Variants in DGKZ observed in about 807,000 individuals in gnomAD.
DGKZ encodes DAG kinase zeta.
DGKZ carries 45 observed loss-of-function variants against 142.5 expected under a neutral mutation model. The ratio of observed to expected loss-of-function variants is 0.32; its 90% CI spans 0.25 to 0.40. The LOEUF is 0.40. Ranked by LOEUF, DGKZ falls within the 10% of genes least tolerant of loss-of-function variation. The pLI is 1.00. For missense variants in DGKZ, 755 were observed against 1,306.5 expected (o/e 0.58, Z 6.51); for synonymous variants, 442 against 527.0 (o/e 0.84, Z 2.21).
At chr11:46,345,170 C>A, upstream of DGKZ, 1 of 941,030 alleles carries the variant, frequency 1.1e-6, no homozygotes, top group Non-Finnish European at 1.4e-6. This position sits in a 1 kb window ranked among gnomAD's most constrained non-coding sequence, Gnocchi z 4.1. Context: ...AGCCCAGGTG[C>A]AGATTCCAGC....
At chr11:46,344,451 A>AT (rs552917575), upstream of DGKZ, among the ~76,000 whole-genome samples, 2,105 of 133,904 alleles carry the variant, frequency 0.016, 52 homozygotes, top group African/African-American at 0.045. Flanking sequence ...CATGAGCTCA[A>AT]TTTTTTTTTT....
In DGKZ at chr11:46,378,477, G is replaced by A. The variant is rs898600357; in HGVS notation, c.2395G>A (p.Ala799Thr). ...TGCAGGTGAAGAGCTGATTGAGGCT[G>A]CCAAGAGGAACGACTTCTGTAAGGT... Residue 799 changes from alanine to threonine, a missense_variant, in exon 27 of 31, where the codon GCC becomes ACC. By Grantham distance (58) the Ala-to-Thr change is moderately conservative. Around this residue, in one of 8 missense-constraint regions of DGKZ, gnomAD observed 87 missense variants for 112.2 expected, o/e 0.78. Coordinates refer to ENST00000527911, the Ensembl canonical transcript of DGKZ. 1 of 1,607,860 alleles carries A rather than the reference G, an allele frequency of 6.2e-7. No individual in the cohort carries two copies. The highest frequency in any genetic ancestry group is 8.5e-7 in the Non-Finnish European group (1 of 1,175,916).
intron 1 of DGKZ, chr11:46,366,901 C>G: frequency 3.2e-6 from 5 of 1,547,390 alleles, no homozygotes; most frequent in Non-Finnish European, 4.3e-6. Flanking sequence ...TGCTGCCCAC[C>G]CGTGTGCGCC....
At position 46,372,355 on chromosome 11, in the gene DGKZ, A is replaced by G; in HGVS notation, c.928-73A>G. ...TATTGGCCCTGGTTCCCACAGTCAC[A>G]CCCCTCTCCCTCTGCTGCTCCCACT... On this transcript the variant is annotated intron_variant, in intron 10 of 30. Coordinates refer to ENST00000527911, the Ensembl canonical transcript of DGKZ. This position sits in a 1 kb window ranked among gnomAD's most constrained non-coding sequence, Gnocchi z 5.9. 6.5e-7 allele frequency: 1 copy of G among 1,531,124 alleles called. No homozygotes were observed. Among genetic ancestry groups the G allele is most frequent in the Non-Finnish European group, 9.0e-7 (1 of 1,107,728 alleles). 94.8% of individuals were successfully genotyped at this position (1,531,124 alleles called of 1,614,324 possible).
chr11:46,374,936 A>G, exon 19 of DGKZ: 1 of 1,602,080 alleles, frequency 6.2e-7, no homozygotes, highest in Non-Finnish European at 8.5e-7. Context: ...CTTTGCAGGT[A>G]CTGTGCGGGC....
chr11:46,377,951 C>A, intron 25 of DGKZ: 1 of 586,820 alleles, frequency 1.7e-6, no homozygotes, highest in Non-Finnish European at 3.0e-6. Flanking sequence ...TAAGAGCACC[C>A]CTGCTCTCAG....
chr11:46,357,946 G>A (rs1590469615), intron 1 of DGKZ, among the ~76,000 whole-genome samples: 2 of 152,324 alleles, frequency 1.3e-5, no homozygotes, highest in South Asian at 4.1e-4. Flanking sequence ...TAGAACTAAG[G>A]CTTCGTGTCA....
At chr11:46,364,391 A>G in intron 1 of DGKZ, 1 of 1,289,092 alleles carries the variant, frequency 7.8e-7, no homozygotes, top group Non-Finnish European at 1.0e-6. Flanking sequence ...CAGCCGTGAC[A>G]CTGGTGATTT....
intron 8 of DGKZ, 28 bp downstream of exon 8, chr11:46,371,631 C>T (rs1334861951): frequency 3.1e-6 from 5 of 1,613,536 alleles, no homozygotes; most frequent in Non-Finnish European, 4.2e-6. Flanking sequence ...CCTTGATGCC[C>T]CGTACGCACT....
At position 46,372,573 on chromosome 11, in the gene DGKZ, A is replaced by C. The variant is rs374213763; in HGVS notation, c.1011-44A>C. On this transcript the variant is annotated intron_variant, in intron 11 of 30. Transcript: ENST00000527911. This position sits in a 1 kb window ranked among gnomAD's most constrained non-coding sequence, Gnocchi z 5.9. ...GGAACTTGCCTCACTCCTGGGGTAC[A>C]GCACACATCCCCTGACCCCACTGCC... 6.2e-7 allele frequency: 1 copy of C among 1,613,810 alleles called. No homozygotes were observed. Among genetic ancestry groups the C allele is most frequent in the Non-Finnish European group, 8.5e-7 (1 of 1,179,942 alleles).
chr11:46,374,739 C>T (rs1254788733), intron 17 of DGKZ, 27 bp from the exon 18 acceptor site: 1 of 1,612,532 alleles, frequency 6.2e-7, no homozygotes, highest in Non-Finnish European at 8.5e-7. Flanking sequence ...GCACATGCAC[C>T]TCAACACCCT....
At chr11:46,376,213 T>A (rs887603289) in intron 22 of DGKZ, 68 bp downstream of exon 22, 100 of 1,606,298 alleles carry the variant, frequency 6.2e-5, no homozygotes, top group Non-Finnish European at 8.1e-5. Context: ...GGCCTCTTCC[T>A]CCCGCAGCCA....
intron 5 of DGKZ, 124 bp downstream of exon 5, chr11:46,369,674 T>C: frequency 7.6e-7 from 1 of 1,320,568 alleles, no homozygotes; most frequent in Middle Eastern, 2.6e-4. Flanking sequence ...CTGAGGTCTG[T>C]CTGAGGTCTG....
intron 25 of DGKZ, chr11:46,377,651 GC>G (rs1944707928): frequency 1.3e-5 from 3 of 224,250 alleles, no homozygotes; most frequent in Non-Finnish European, 2.6e-5. Flanking sequence ...TTTCTCAGCA[GC>G]CCTTTGGACG....
At chr11:46,374,342 A>G (rs998387320) in intron 15 of DGKZ, 57 bp from the exon 16 acceptor site, 7 of 1,612,280 alleles carry the variant, frequency 4.3e-6, no homozygotes, top group East Asian at 2.2e-5. Context: ...CCCTCCCCCA[A>G]CCCCACCTGG....
chr11:46,369,929 C>A lies in DGKZ; in HGVS notation c.502-12C>A. 1 of 1,613,940 alleles carries A rather than the reference C, an allele frequency of 6.2e-7. No individual in the cohort carries two copies. The highest frequency in any genetic ancestry group is 8.5e-7 in the Non-Finnish European group (1 of 1,180,034). ...CCCCTCACCCAGTGAAATTTTTCCCCTTCTCCCCCAGCCAACCTTTGTACG... is the reference window on the plus strand; with the variant it reads ...CCCCTCACCCAGTGAAATTTTTCCCATTCTCCCCCAGCCAACCTTTGTACG... On this transcript the variant is annotated splice_polypyrimidine_tract_variant and intron_variant, in intron 5 of 30. Transcript: ENST00000527911.
intron 1 of DGKZ, among the ~76,000 whole-genome samples, chr11:46,340,544 C>T (rs982859896): frequency 2.6e-5 from 4 of 152,342 alleles, no homozygotes; most frequent in African/African-American, 4.8e-5. Flanking sequence ...GCTGCTGGGC[C>T]GCCAGTGCTG....
intron 1 of DGKZ, chr11:46,364,991 A>C: frequency 1.0e-6 from 1 of 985,452 alleles, no homozygotes; most frequent in Non-Finnish European, 1.2e-6. Context: ...AGGTACCTGG[A>C]GGCATCGCCA....
upstream of DGKZ, chr11:46,345,397 G>A (rs935454747): frequency 9.1e-6 from 13 of 1,424,948 alleles, no homozygotes; most frequent in Non-Finnish European, 9.1e-6. This position sits in a 1 kb window ranked among gnomAD's most constrained non-coding sequence, Gnocchi z 4.1. Context: ...GAGGAAGAGA[G>A]TCGCCGGGCA....
Sources: allele counts gnomAD v4.1 joint callset (sites outside exome capture counted in the v4.1 genomes callset), GRCh38; gene constraint gnomAD v4.1.1; regional missense constraint gnomAD v4.1.1; non-coding constraint Gnocchi (gnomAD v3.1); transcripts MANE v1.5; gene names NCBI Gene and HGNC (gene_info 2026-07-23, HGNC 2026-07-21).